Variants in HERC1 observed in about 807,000 individuals in gnomAD.
HERC1 encodes the protein HECT and RLD domain containing E3 ubiquitin protein ligase family member 1.
A neutral mutation model predicts 554.3 loss-of-function variants in HERC1; 160 were observed. That is an observed-to-expected ratio of 0.29 (90% CI 0.25 to 0.33). HERC1 has a LOEUF of 0.33. Among genes scored for constraint, HERC1 ranks in the 10% least tolerant of loss-of-function variants. The pLI is 1.00. For missense variants in HERC1, 4,919 were observed against 5,918.5 expected (o/e 0.83, Z 5.54); for synonymous variants, 2,175 against 2,131.7 (o/e 1.02, Z -0.56).
Position 63,764,110 on chromosome 15 carries a change from A to G in HERC1, c.1012T>C (p.Cys338Arg). 6.2e-7 allele frequency: 1 copy of G among 1,607,568 alleles called. No homozygotes were observed. The highest frequency in any genetic ancestry group is 8.5e-7 in the Non-Finnish European group (1 of 1,176,462). The change falls in exon 3 of 78, where the codon TGT (cysteine) becomes CGT (arginine). Residue 338 changes from cysteine to arginine, a missense_variant. Cys to Arg is a radical substitution (Grantham distance 180). This residue lies in a region of HERC1 where 744 missense variants were observed against 1,090.0 expected (regional missense o/e 0.68). Transcript: ENST00000443617. ...TTATTACGTACCTCTTCAAAGAGAC[A>G]TAATGCTGCCTCGTAAAGGGAGCAC... The part of the protein sequence containing the change: ...GLCSLYEAAL[C>R]LFEEVCRMAS...
rs146429961 is a variant in HERC1 at position 63,796,171 on chromosome 15, A to G, written c.-26-20522T>C. Among the ~76,000 whole-genome samples the G allele has an allele frequency of 1.1e-3, 172 of 152,330 alleles. 1 individual carries two copies. The highest frequency in any genetic ancestry group is 4.1e-3 in the African/African-American group (170 of 41,578). On this transcript the variant is annotated intron_variant, in intron 1 of 77. Coordinates refer to ENST00000443617, the MANE Select transcript of HERC1 (RefSeq NM_003922.4). ...GGAAAATCTTTGAAGAGGAACCTTT[A>G]TTTTTTACAAGTAGAATAAATTAAT...
In HERC1 at chr15:63,675,077, T is replaced by G. The variant is rs763266005; in HGVS notation, c.7111A>C (p.Asn2371His). 18 of 1,609,896 alleles carry G rather than the reference T, an allele frequency of 1.1e-5. No homozygotes were observed. The African/African-American group carries it at 2.1e-4, about 19-fold the overall frequency. The change falls in exon 38 of 78, where the codon AAT (asparagine) becomes CAT (histidine). Residue 2371 changes from asparagine (N) to histidine (H), a missense_variant. This residue lies in a region of HERC1 where 1,963 missense variants were observed against 2,228.6 expected (regional missense o/e 0.88). Coordinates refer to ENST00000443617, the MANE Select transcript of HERC1 (RefSeq NM_003922.4). ...FWSPSDTPLY[N>H]LEPCEPLPFD... ...GGCAATGGTTCACAGGGTTCCAGAT[T>G]ATACAATGGAGTATCACTAGGCGAC...
intron 1 of HERC1, among the ~76,000 whole-genome samples, chr15:63,829,940 T>C (rs2146129774): frequency 1.3e-5 from 2 of 152,146 alleles, no homozygotes; most frequent in Middle Eastern, 3.4e-3. Flanking sequence ...AACACACTAA[T>C]ATAAACAAAT....
intron 24 of HERC1, among the ~76,000 whole-genome samples, chr15:63,712,307 G>A (rs74021325): frequency 0.011 from 1,603 of 152,284 alleles, 22 homozygotes; most frequent in African/African-American, 0.037. Flanking sequence ...AGAGGACATT[G>A]GAGACACACT....
chr15:63,740,004 G>A (rs925012096), intron 12 of HERC1, among the ~76,000 whole-genome samples: 17 of 151,766 alleles, frequency 1.1e-4, no homozygotes, highest in African/African-American at 2.9e-4. Flanking sequence ...TCTGCCTCCC[G>A]GTTTCAAGCA....
intron 72 of HERC1, 68 bp from the exon 73 acceptor site, chr15:63,623,958 T>C: frequency 7.0e-7 from 1 of 1,437,726 alleles, no homozygotes; most frequent in South Asian, 1.2e-5. Context: ...ACATGATATC[T>C]TCCCATCAGT....
intron 24 of HERC1, among the ~76,000 whole-genome samples, chr15:63,710,916 T>C (rs2073260408): frequency 6.6e-6 from 1 of 151,656 alleles, no homozygotes. Flanking sequence ...ATCAGAGAGG[T>C]AGTGGGACCA....
intron 77 of HERC1, among the ~76,000 whole-genome samples, chr15:63,611,876 C>G (rs151016679): frequency 2.0e-5 from 3 of 152,102 alleles, no homozygotes; most frequent in Non-Finnish European, 4.4e-5. Flanking sequence ...TTTGTTTTCC[C>G]CAACATAAAA....
rs773745839 is a variant in HERC1, at chr15:63,733,152, A to AAT, written c.2647-8_2647-7insAT. 6 of 1,592,674 alleles carry AAT rather than the reference A, an allele frequency of 3.8e-6. No individual in the cohort carries two copies. Among genetic ancestry groups the AAT allele is most frequent in the Middle Eastern group, 1.7e-4 (1 of 6,022 alleles). The stretch of plus-strand genomic sequence containing the variant: ...TGATATCCAGTTGCATTCTCTAAAG[A>AAT]ACAATAAAATAGGAACAAGTAACTA... On this transcript the variant is annotated splice_region_variant and splice_polypyrimidine_tract_variant and intron_variant, in intron 13 of 77. Coordinates refer to ENST00000443617, the MANE Select transcript of HERC1 (RefSeq NM_003922.4).
chr15:63,658,458 A>C, intron 48 of HERC1, 86 bp downstream of exon 48: 11 of 1,167,942 alleles, frequency 9.4e-6, no homozygotes, highest in Non-Finnish European at 1.3e-5. Flanking sequence ...CTAAAATTCT[A>C]TCTCACCCTC....
At position 63,694,321 on chromosome 15, in the gene HERC1, A is replaced by G. The variant is rs770128857; in HGVS notation, c.5471T>C (p.Ile1824Thr). 1 of 1,612,884 alleles carries G rather than the reference A, an allele frequency of 6.2e-7. No homozygotes were observed. Among genetic ancestry groups the G allele is most frequent in the Non-Finnish European group, 8.5e-7 (1 of 1,179,324 alleles). The change falls in exon 29 of 78, where the codon ATC becomes ACC. Residue 1824 changes from isoleucine (I) to threonine (T), a missense_variant. Ile to Thr is a moderately conservative substitution (Grantham distance 89). Around this residue, in one of 11 missense-constraint regions of HERC1, gnomAD observed 1,121 missense variants for 1,244.0 expected, o/e 0.90. Transcript: ENST00000443617. This position sits in a 1 kb window ranked among gnomAD's most constrained non-coding sequence, Gnocchi z 4.3. The part of the protein sequence containing the change: ...ASTRLLQILA[I>T]TTGTYADKLS... ...CATCTACCATACTTACCCAGTAGTG[A>G]TGGCTAGAATCTGGAGCAACCTTGT... is the stretch of plus-strand genomic sequence containing the variant.
chr15:63,694,376 G>A lies in HERC1; in HGVS notation c.5416C>T (p.Gln1806Ter). The change falls in exon 29 of 78, where the codon CAG (glutamine) becomes TAG (stop). Residue 1806 changes from glutamine (Q) to a stop codon, truncating the protein, a stop_gained. Coordinates refer to ENST00000443617, the MANE Select transcript of HERC1 (RefSeq NM_003922.4). LOFTEE classifies it high-confidence loss of function. The surrounding 1 kb of genome is among the most constrained non-coding windows in gnomAD (Gnocchi z 4.3). Reference protein sequence around the residue: ...LQLLPKTGVSQLSTALKVAST... With the variant: ...LQLLPKTGVS Reference sequence around the variant, plus strand: ...GCCACTTTCAAAGCTGTGCTAAGCTGGGAAACACCCGTCTTTGGCAACAAC... The same window carrying A: ...GCCACTTTCAAAGCTGTGCTAAGCTAGGAAACACCCGTCTTTGGCAACAAC... 1 of 1,613,942 alleles carries A rather than the reference G, an allele frequency of 6.2e-7. No homozygotes were observed. Among genetic ancestry groups the A allele is most frequent in the Non-Finnish European group, 8.5e-7 (1 of 1,179,882 alleles).
chr15:63,744,609 C>G (rs1178274345), intron 12 of HERC1, among the ~76,000 whole-genome samples: 1 of 152,138 alleles, frequency 6.6e-6, no homozygotes, highest in African/African-American at 2.4e-5. Context: ...CTAGAGGAGC[C>G]TCGCCCCATA....
chr15:63,759,286 C>A (rs753210876), intron 3 of HERC1, among the ~76,000 whole-genome samples: 2 of 152,108 alleles, frequency 1.3e-5, no homozygotes, highest in Non-Finnish European at 2.9e-5. Flanking sequence ...AGGCACAAAG[C>A]AATTAACATT....
rs530890807 is a variant in HERC1, at chr15:63,651,150, G to C, written c.10546+103C>G. 6.4e-5 allele frequency: 66 copies of C among 1,031,094 alleles called. No homozygotes were observed. In the African/African-American group the frequency reaches 9.1e-4, roughly 14 times the overall value. The allele number at this position is 1,031,094 out of a possible 1,614,324, so 63.9% of individuals were successfully genotyped here. A position where few individuals can be genotyped will look rare whatever the true frequency, so the allele number is the denominator to read the frequency against. ...ATTTCAGAGTTGTTGGAAGGCTTGT[G>C]AATTTCAAGGTGAAGAGAAACCACT... On this transcript the variant is annotated intron_variant, in intron 53 of 77. Transcript: ENST00000443617.
In HERC1 at chr15:63,733,016, C is replaced by A. The variant is rs769125985; in HGVS notation, c.2776G>T (p.Asp926Tyr). The A allele has an allele frequency of 5.0e-6, 8 of 1,613,988 alleles. No individual in the cohort carries two copies. In the South Asian group the frequency reaches 8.8e-5, roughly 18 times the overall value. ...SVCTGYGNLS[D>Y]QPYGTQSCHP... Reference sequence around the variant, plus strand: ...CAGCTCTGAGTGCCGTAAGGTTGATCTGACAGATTTCCGTAGCCAGTACAC... The same window carrying A: ...CAGCTCTGAGTGCCGTAAGGTTGATATGACAGATTTCCGTAGCCAGTACAC... Residue 926 changes from aspartate to tyrosine, a missense_variant, in exon 14 of 78, where the codon GAT becomes TAT. Coordinates refer to ENST00000443617, the MANE Select transcript of HERC1 (RefSeq NM_003922.4).
chr15:63,686,070 T>G (rs578111292), intron 34 of HERC1, among the ~76,000 whole-genome samples: 1 of 152,194 alleles, frequency 6.6e-6, no homozygotes, highest in Non-Finnish European at 1.5e-5. Context: ...TTCATTTTCA[T>G]TGCTAGAAGA....
At chr15:63,794,948 C>A (rs1284754910) in intron 1 of HERC1, among the ~76,000 whole-genome samples, 1 of 151,616 alleles carries the variant, frequency 6.6e-6, no homozygotes, top group Admixed American at 6.6e-5. Context: ...TACCTGTAGT[C>A]CCAGCTACTC....
At chr15:63,664,701 A>T in intron 42 of HERC1, 107 bp from the exon 43 acceptor site, 1 of 940,564 alleles carries the variant, frequency 1.1e-6, no homozygotes. Flanking sequence ...TTGAGAATAA[A>T]ATATGTTTAT....
Sources: allele counts gnomAD v4.1 joint callset (sites outside exome capture counted in the v4.1 genomes callset), GRCh38; gene constraint gnomAD v4.1.1; regional missense constraint gnomAD v4.1.1; non-coding constraint Gnocchi (gnomAD v3.1); transcripts MANE v1.5; gene names NCBI Gene and HGNC (gene_info 2026-07-23, HGNC 2026-07-21).